The following CLSTN2 variants were observed in gnomAD, a reference collection of about 807,000 sequenced individuals.
CLSTN2 encodes the protein calsyntenin-2.
CLSTN2 carries 48 observed loss-of-function variants against 101.2 expected under a neutral mutation model. That is an observed-to-expected ratio of 0.47 (90% CI 0.38 to 0.60). CLSTN2 has a LOEUF of 0.60. CLSTN2 is among the 20% of genes least tolerant of loss of function. The probability of loss-of-function intolerance (pLI) is 0.00; values close to 1 mark genes in which losing one functional copy is unlikely to be tolerated. For synonymous variants in CLSTN2, 481 were observed against 463.6 expected, an observed-to-expected ratio of 1.04 and a Z score of -0.48; for missense variants, 1,160 against 1,238.2, an observed-to-expected ratio of 0.94 and a Z score of 0.95.
intron 2 of CLSTN2, among the ~76,000 whole-genome samples, chr3:140,234,036 A>G (rs2086394209): frequency 6.6e-6 from 1 of 152,178 alleles, no homozygotes; most frequent in South Asian, 2.1e-4. Context: ...TCATCCCTTA[A>G]CAAAAAATAG....
chr3:139,982,565 A>C (rs545317421), intron 1 of CLSTN2, among the ~76,000 whole-genome samples: 4 of 152,168 alleles, frequency 2.6e-5, no homozygotes, highest in Admixed American at 1.3e-4. Flanking sequence ...AGATCTGAGA[A>C]AGCGATGTAT....
At chr3:140,522,068 G>A (rs1239434929) in intron 8 of CLSTN2, among the ~76,000 whole-genome samples, 1 of 152,236 alleles carries the variant, frequency 6.6e-6, no homozygotes, top group African/African-American at 2.4e-5. Context: ...ATGAAGGGAT[G>A]TCCTGATCTG....
chr3:140,331,478 C>G (rs965508768), intron 2 of CLSTN2, among the ~76,000 whole-genome samples: 2 of 152,192 alleles, frequency 1.3e-5, no homozygotes, highest in African/African-American at 4.8e-5. Flanking sequence ...AACCATCACA[C>G]CAGGCCACAC....
chr3:140,110,749 T>C lies in CLSTN2; in HGVS notation c.110-65202T>C, dbSNP rs1403529889. The stretch of plus-strand genomic sequence containing the variant: ...TTTTCTAACTCAGCCCTGGCTTCTC[T>C]GTGTTGCACCTCAGCCTCTGGGTGC... On this transcript the variant is annotated intron_variant, in intron 1 of 16. Transcript: ENST00000458420. Among the ~76,000 whole-genome samples, 4 of 152,194 alleles carry C rather than the reference T, an allele frequency of 2.6e-5. No homozygotes were observed. In the East Asian group the frequency reaches 7.7e-4, roughly 29 times the overall value.
At chr3:140,482,158 A>ATG (rs1934131560) in intron 8 of CLSTN2, among the ~76,000 whole-genome samples, 1 of 152,196 alleles carries the variant, frequency 6.6e-6, no homozygotes, top group Non-Finnish European at 1.5e-5. Context: ...TTCAGCATGA[A>ATG]GCGTTGTTGA....
intron 1 of CLSTN2, among the ~76,000 whole-genome samples, chr3:140,136,492 T>C (rs777928449): frequency 5.9e-5 from 9 of 152,204 alleles, no homozygotes; most frequent in Non-Finnish European, 1.3e-4. Context: ...CTATTTTTGT[T>C]GCTACTATTT....
intron 1 of CLSTN2, among the ~76,000 whole-genome samples, chr3:140,163,306 A>T (rs564704150): frequency 1.3e-5 from 2 of 152,166 alleles, no homozygotes; most frequent in East Asian, 3.9e-4. Flanking sequence ...TTGCCTCAAG[A>T]TTGCAGCATC....
intron 1 of CLSTN2, among the ~76,000 whole-genome samples, chr3:140,136,067 TTAAA>T (rs1362635428): frequency 6.6e-6 from 1 of 152,220 alleles, no homozygotes. Context: ...TCAGAGCTTA[TTAAA>T]TAGAGTGAGG....
intron 7 of CLSTN2, among the ~76,000 whole-genome samples, chr3:140,465,640 A>G (rs1464319637): frequency 6.6e-6 from 1 of 152,214 alleles, no homozygotes; most frequent in African/African-American, 2.4e-5. Context: ...CAGGATGTAC[A>G]GGAATTGGTA....
intron 1 of CLSTN2, among the ~76,000 whole-genome samples, chr3:140,020,266 C>G (rs150369992): frequency 1.3e-5 from 2 of 152,172 alleles, no homozygotes; most frequent in African/African-American, 4.8e-5. Flanking sequence ...TCAACACTAT[C>G]TGGTGACTCT....
intron 9 of CLSTN2, among the ~76,000 whole-genome samples, chr3:140,535,476 T>C (rs1252941801): frequency 2.6e-5 from 4 of 152,204 alleles, no homozygotes; most frequent in South Asian, 2.1e-4. Flanking sequence ...CAAGTATACA[T>C]TGACTTTCAA....
At chr3:140,416,374 C>T (rs1331264822) in intron 4 of CLSTN2, among the ~76,000 whole-genome samples, 1 of 151,560 alleles carries the variant, frequency 6.6e-6, no homozygotes, top group African/African-American at 2.4e-5. Context: ...ACCACACACA[C>T]ACAAACACAC....
At chr3:140,335,974 T>C (rs1014046829) in intron 2 of CLSTN2, among the ~76,000 whole-genome samples, 1 of 152,176 alleles carries the variant, frequency 6.6e-6, no homozygotes, top group African/African-American at 2.4e-5. Flanking sequence ...CCACACCAAG[T>C]CTAGGTTAAA....
intron 1 of CLSTN2, among the ~76,000 whole-genome samples, chr3:140,026,064 CAGGATCTCT>C (rs919476209): frequency 8.5e-5 from 13 of 152,140 alleles, no homozygotes; most frequent in Non-Finnish European, 1.5e-4. Flanking sequence ...ATCTGCTCTC[CAGGATCTCT>C]CCTGGAGATT....
chr3:139,989,349 G>A (rs1293010123), intron 1 of CLSTN2, among the ~76,000 whole-genome samples: 7 of 152,120 alleles, frequency 4.6e-5, no homozygotes, highest in Admixed American at 4.6e-4. Flanking sequence ...TTCCTCCCAT[G>A]CTTTCCAGCT....
At chr3:140,427,207 G>GCA (rs2088578744) in intron 5 of CLSTN2, among the ~76,000 whole-genome samples, 1 of 84,988 alleles carries the variant, frequency 1.2e-5, no homozygotes, top group Non-Finnish European at 2.0e-5. Flanking sequence ...ATATATATGT[G>GCA]TATATATATA....
chr3:140,248,040 C>T (rs902694336), intron 2 of CLSTN2, among the ~76,000 whole-genome samples: 5 of 152,140 alleles, frequency 3.3e-5, no homozygotes, highest in African/African-American at 1.2e-4. Context: ...TTCCAAATGC[C>T]AGTACATTTC....
chr3:140,401,016 CT>C (rs2088235249), intron 2 of CLSTN2, among the ~76,000 whole-genome samples: 1 of 152,264 alleles, frequency 6.6e-6, no homozygotes, highest in Non-Finnish European at 1.5e-5. Flanking sequence ...GATTATTTGA[CT>C]GCTTATTTCC....
At chr3:139,976,228 T>G (rs1358335848) in intron 1 of CLSTN2, among the ~76,000 whole-genome samples, 1 of 152,202 alleles carries the variant, frequency 6.6e-6, no homozygotes, top group East Asian at 1.9e-4. Flanking sequence ...GGTGGGATAG[T>G]GCCCTTATCT....
Sources: allele counts gnomAD v4.1 joint callset (sites outside exome capture counted in the v4.1 genomes callset), GRCh38; gene constraint gnomAD v4.1.1; transcripts MANE v1.5; gene names NCBI Gene and HGNC (gene_info 2026-07-23, HGNC 2026-07-21).